The following ALDH5A1 variants were observed in gnomAD, a reference collection of about 807,000 sequenced individuals.
ALDH5A1 encodes succinate-semialdehyde dehydrogenase, mitochondrial.
ALDH5A1 carries 33 observed loss-of-function variants against 54.7 expected under a neutral mutation model. That is an observed-to-expected ratio of 0.60 (90% CI 0.46 to 0.81). ALDH5A1 has a LOEUF of 0.81. ALDH5A1 is among the 30% of genes least tolerant of loss of function. ALDH5A1 has a pLI of 0.00. For missense variants in ALDH5A1, 657 were observed against 711.0 expected (o/e 0.92, Z 0.86); for synonymous variants, 294 against 292.7 (o/e 1.00, Z -0.05).
intron 7 of ALDH5A1, among the ~76,000 whole-genome samples, chr6:24,525,053 T>G (rs1227609090): frequency 6.6e-6 from 1 of 152,150 alleles, no homozygotes; most frequent in Non-Finnish European, 1.5e-5. Context: ...ATTTCTTTTT[T>G]GCTGGAGAGA....
At chr6:24,523,869 G>A (rs1759750374) in intron 7 of ALDH5A1, among the ~76,000 whole-genome samples, 1 of 151,780 alleles carries the variant, frequency 6.6e-6, no homozygotes, top group Non-Finnish European at 1.5e-5. Flanking sequence ...TTAAAAAAAT[G>A]TTATAATCCA....
At position 24,518,837 on chromosome 6, in the gene ALDH5A1, T is replaced by G. The variant is rs1305180975; in HGVS notation, c.871-1564T>G. ...TTGGGGGGCAATCCTAGAGCCACCTTGGGCTTGCGAACACCGTCTGTTTCA... is the reference window on the plus strand; with the variant it reads ...TTGGGGGGCAATCCTAGAGCCACCTGGGGCTTGCGAACACCGTCTGTTTCA... On this transcript the variant is annotated intron_variant, in intron 5 of 9. Transcript: ENST00000357578. This position sits in a 1 kb window ranked among gnomAD's most constrained non-coding sequence, Gnocchi z 4.2. 6.6e-6 allele frequency among the ~76,000 whole-genome samples: 1 copy of G among 152,190 alleles called. No individual in the cohort carries two copies. The highest frequency in any genetic ancestry group is 1.5e-5 in the Non-Finnish European group (1 of 68,036).
rs913676708 is a variant in ALDH5A1 at position 24,532,125 on chromosome 6, T to A, written c.1350T>A (p.Asp450Glu). Residue 450 changes from aspartate (D) to glutamate (E), a missense_variant, in exon 9 of 10, where the codon GAT (aspartate) becomes GAA (glutamate). Asp to Glu is a conservative substitution (Grantham distance 45, BLOSUM62 2). This residue lies in a region of ALDH5A1 where 425 missense variants were observed against 516.4 expected (regional missense o/e 0.82). Coordinates refer to ENST00000357578, the MANE Select transcript of ALDH5A1 (RefSeq NM_001080.3). ...CCTATCTTAACTTTGGCAGGTTCGA[T>A]ACAGAGGAGGAGGCTATAGCAATCG... ...FGPLAPVIKF[D>E]TEEEAIAIAN... 2.5e-6 allele frequency: 4 copies of A among 1,614,086 alleles called. No homozygotes were observed. Among genetic ancestry groups the A allele is most frequent in the Non-Finnish European group, 3.4e-6 (4 of 1,180,012 alleles).
At chr6:24,531,620 G>A (rs964144301) in intron 8 of ALDH5A1, among the ~76,000 whole-genome samples, 3 of 152,188 alleles carry the variant, frequency 2.0e-5, no homozygotes, top group Admixed American at 2.0e-4. Context: ...AGAAGAGATG[G>A]CCTGGGCTTT....
intron 7 of ALDH5A1, among the ~76,000 whole-genome samples, chr6:24,526,968 G>A (rs1414462208): frequency 0.017 from 126 of 7,340 alleles, 7 homozygotes; most frequent in African/African-American, 0.031. Flanking sequence ...ATATATATGT[G>A]TGTGTGTATA....
At chr6:24,497,234 C>T (rs998013617) in intron 1 of ALDH5A1, among the ~76,000 whole-genome samples, 1 of 152,158 alleles carries the variant, frequency 6.6e-6, no homozygotes, top group Non-Finnish European at 1.5e-5. Flanking sequence ...TTATTTATCC[C>T]TTCCAGTGTT....
At chr6:24,525,799 G>A (rs1759787945) in intron 7 of ALDH5A1, among the ~76,000 whole-genome samples, 1 of 152,078 alleles carries the variant, frequency 6.6e-6, no homozygotes, top group Non-Finnish European at 1.5e-5. Context: ...TAGAATTGGT[G>A]GCTACAGAAA....
At position 24,518,605 on chromosome 6, in the gene ALDH5A1, G is replaced by A. The variant is rs768319063; in HGVS notation, c.871-1796G>A. On this transcript the variant is annotated intron_variant, in intron 5 of 9. Coordinates refer to ENST00000357578, the MANE Select transcript of ALDH5A1 (RefSeq NM_001080.3). The surrounding 1 kb of genome is among the most constrained non-coding windows in gnomAD (Gnocchi z 4.2). The stretch of plus-strand genomic sequence containing the variant: ...AAAAAAGTTTAAATAGTTATGTTGC[G>A]TCCGATAAAGAAATATGTTTAGTCT... Among the ~76,000 whole-genome samples the A allele has an allele frequency of 2.6e-4, 40 of 152,282 alleles. No homozygotes were observed. Among genetic ancestry groups the A allele is most frequent in the Non-Finnish European group, 4.4e-4 (30 of 68,012 alleles).
intron 6 of ALDH5A1, among the ~76,000 whole-genome samples, chr6:24,521,684 T>C (rs942698309): frequency 6.6e-6 from 1 of 152,054 alleles, no homozygotes; most frequent in Non-Finnish European, 1.5e-5. Context: ...CCTTCATAAA[T>C]ACAAAATGTC....
chr6:24,536,319 A>G lies in ALDH5A1; in HGVS notation c.*2607A>G, dbSNP rs910429635. ...TGGGCAGAAAATCAAAAGAAGAACA[A>G]TATTTCATGACACCTGAAAATTCTA... is the stretch of plus-strand genomic sequence containing the variant. On this transcript the variant is annotated 3_prime_UTR_variant, in exon 10 of 10. Transcript: ENST00000357578. 6 of 152,234 alleles carry G rather than the reference A, an allele frequency of 3.9e-5. No homozygotes were observed. The highest frequency in any genetic ancestry group is 1.4e-4 in the African/African-American group (6 of 41,462). The allele number at this position is 152,234 out of a possible 1,614,324, so 9.4% of individuals were successfully genotyped here. A position where few individuals can be genotyped will look rare whatever the true frequency, so the allele number is the denominator to read the frequency against.
rs1019473173 is a variant in ALDH5A1 at position 24,531,883 on chromosome 6, CT to C, written c.1344-230del. ...CCACAGTTCCCTACATGTTGGTCTG[CT>C]TTTTTCTTGTTCTCTTAGGAGAGAT... On this transcript the variant is annotated intron_variant, in intron 8 of 9. Coordinates refer to ENST00000357578, the MANE Select transcript of ALDH5A1 (RefSeq NM_001080.3). 11 of 557,956 alleles carry C rather than the reference CT, an allele frequency of 2.0e-5. No homozygotes were observed. The African/African-American group carries it at 2.1e-4, about 11-fold the overall frequency. 34.6% of individuals were successfully genotyped at this position (557,956 alleles called of 1,614,324 possible).
chr6:24,504,171 C>CTCCG (rs1371579242), intron 3 of ALDH5A1, among the ~76,000 whole-genome samples: 1 of 152,136 alleles, frequency 6.6e-6, no homozygotes, highest in Non-Finnish European at 1.5e-5. Context: ...ACTGCACTGT[C>CTCCG]TCCGTTTTCT....
Position 24,535,291 on chromosome 6 carries a change from G to T in ALDH5A1, c.*1579G>T, listed in dbSNP as rs1052049000. 1 of 152,188 alleles carries T rather than the reference G, an allele frequency of 6.6e-6. No individual in the cohort carries two copies. Among genetic ancestry groups the T allele is most frequent in the African/African-American group, 2.4e-5 (1 of 41,446 alleles). 9.4% of individuals were successfully genotyped at this position (152,188 alleles called of 1,614,324 possible). ...TCTGGCAAGACCCTGGGCACACAGG[G>T]AGCTGCCTAGCATCTGGCCTGGAGT... On this transcript the variant is annotated 3_prime_UTR_variant, in exon 10 of 10. Coordinates refer to ENST00000357578, the MANE Select transcript of ALDH5A1 (RefSeq NM_001080.3).
chr6:24,511,305 G>A lies in ALDH5A1; in HGVS notation c.727-3862G>A, dbSNP rs148843614. Among the ~76,000 whole-genome samples the A allele has an allele frequency of 2.4e-3, 363 of 152,296 alleles. 4 individuals carry two copies. Among genetic ancestry groups the A allele is most frequent in the African/African-American group, 7.9e-3 (328 of 41,570 alleles). ...CCTGATGACAGCGTGCCTAGGGGAT[G>A]ATCTTTTTGTGATGAATTTCCCAGG... On this transcript the variant is annotated intron_variant, in intron 4 of 9. Coordinates refer to ENST00000357578, the MANE Select transcript of ALDH5A1 (RefSeq NM_001080.3).
At chr6:24,497,645 G>A (rs1764740702) in intron 1 of ALDH5A1, among the ~76,000 whole-genome samples, 1 of 151,968 alleles carries the variant, frequency 6.6e-6, no homozygotes, top group South Asian at 2.1e-4. Context: ...TTCAGCTAGA[G>A]CCAAAGTAGA....
At chr6:24,498,701 C>T (rs147531984) in intron 1 of ALDH5A1, among the ~76,000 whole-genome samples, 284 of 152,334 alleles carry the variant, frequency 1.9e-3, no homozygotes, top group African/African-American at 6.3e-3. Context: ...CGGTGGCTAA[C>T]GCCTGTAATC....
At chr6:24,497,588 C>T (rs566172588) in intron 1 of ALDH5A1, among the ~76,000 whole-genome samples, 1 of 148,350 alleles carries the variant, frequency 6.7e-6, no homozygotes, top group East Asian at 1.9e-4. Flanking sequence ...TCTCCAAGTC[C>T]CCACTCGACC....
Position 24,522,858 on chromosome 6 carries a change from G to A in ALDH5A1, c.1106G>A (p.Arg369His), listed in dbSNP as rs201465237. Reference sequence around the variant, plus strand: ...GCCGAGGCCATGAAGAAGAACCTGCGCGTAGGTAATGGATTTGAGGAAGGA... The same window carrying A: ...GCCGAGGCCATGAAGAAGAACCTGCACGTAGGTAATGGATTTGAGGAAGGA... ...AFAEAMKKNL[R>H]VGNGFEEGTT... The change falls in exon 7 of 10, where the codon CGC becomes CAC. Residue 369 changes from arginine to histidine, a missense_variant. Arg to His is a conservative substitution (Grantham distance 29). Coordinates refer to ENST00000357578, the MANE Select transcript of ALDH5A1 (RefSeq NM_001080.3). The A allele has an allele frequency of 1.3e-5, 21 of 1,614,084 alleles. No individual in the cohort carries two copies. Among genetic ancestry groups the A allele is most frequent in the South Asian group, 5.5e-5 (5 of 91,068 alleles).
chr6:24,528,277 G>A, intron 8 of ALDH5A1, 111 bp downstream of exon 8: 2 of 1,267,336 alleles, frequency 1.6e-6, no homozygotes, highest in East Asian at 2.4e-5. Context: ...GCAGACAGTT[G>A]TGTTGAGTCC....
Sources: allele counts gnomAD v4.1 joint callset (sites outside exome capture counted in the v4.1 genomes callset), GRCh38; gene constraint gnomAD v4.1.1; regional missense constraint gnomAD v4.1.1; non-coding constraint Gnocchi (gnomAD v3.1); transcripts MANE v1.5; gene names NCBI Gene and HGNC (gene_info 2026-07-23, HGNC 2026-07-21).